MAEA: variants seen among roughly 807,000 people sequenced by gnomAD.
MAEA encodes the protein E3 ubiquitin-protein transferase MAEA.
Under a neutral mutation model 46.2 loss-of-function variants are expected in MAEA, and 22 were observed. The ratio of observed to expected loss-of-function variants is 0.48; its 90% confidence interval spans 0.34 to 0.68. MAEA has a LOEUF of 0.68. Among genes scored for constraint, MAEA ranks in the 30% least tolerant of loss-of-function variants. The pLI is 0.01. For synonymous variants in MAEA, 246 were observed against 222.6 expected (o/e 1.11, Z -0.94); for missense variants, 393 against 558.1 (o/e 0.70, Z 2.98).
intron 1 of MAEA, among the ~76,000 whole-genome samples, chr4:1,297,510 G>C (rs1263752014): frequency 6.8e-6 from 1 of 146,144 alleles, no homozygotes; most frequent in Non-Finnish European, 1.5e-5. Context: ...GCTTGAGTGT[G>C]GGCTCATTGC....
chr4:1,327,527 T>C, intron 4 of MAEA, 100 bp from the exon 5 acceptor site: 1 of 815,066 alleles, frequency 1.2e-6, no homozygotes, highest in Admixed American at 1.7e-5. Flanking sequence ...GTTCAGAGCT[T>C]TGGTTGTGGG....
Position 1,339,410 on chromosome 4 carries a change from C to G in MAEA, c.*241C>G. ...AACCATTTGATGCTTCTGAAAAGTACTTTCAACTTGCGAAGGAAACTCTTC... is the reference window on the plus strand; with the variant it reads ...AACCATTTGATGCTTCTGAAAAGTAGTTTCAACTTGCGAAGGAAACTCTTC... On this transcript the variant is annotated 3_prime_UTR_variant, in exon 9 of 9. Transcript: ENST00000303400. 1 of 536,604 alleles carries G rather than the reference C, an allele frequency of 1.9e-6. No individual in the cohort carries two copies. Among genetic ancestry groups the G allele is most frequent in the South Asian group, 2.5e-5 (1 of 40,254 alleles). The allele number at this position is 536,604 out of a possible 1,614,324, so 33.2% of individuals were successfully genotyped here.
rs777402799 is a variant in MAEA, at chr4:1,327,686, G to A, written c.639G>A (p.Lys213=). The part of the protein sequence containing the change: ...QEFIELIRQN[K]RLDAVRHARK... ...TCATTGAACTCATCCGGCAGAATAA[G>A]AGACTGGACGCTGTGAGGTAGGCAT... The change falls in exon 5 of 9, where the codon AAG becomes AAA. Residue 213 remains lysine, a synonymous_variant. Coordinates refer to ENST00000303400, the MANE Select transcript of MAEA (RefSeq NM_001017405.3). The A allele has an allele frequency of 1.9e-6, 3 of 1,613,884 alleles. No individual in the cohort carries two copies. Among genetic ancestry groups the A allele is most frequent in the Non-Finnish European group, 2.5e-6 (3 of 1,179,990 alleles).
intron 1 of MAEA, among the ~76,000 whole-genome samples, chr4:1,300,897 CAG>C (rs1735256256): frequency 6.6e-6 from 1 of 152,180 alleles, no homozygotes; most frequent in African/African-American, 2.4e-5. Flanking sequence ...GAGCCTCCCT[CAG>C]GGTATGTGCT....
rs895364679 is a variant in MAEA at position 1,337,490 on chromosome 4, C to T, written c.899+496C>T. On this transcript the variant is annotated intron_variant, in intron 7 of 8. Coordinates refer to ENST00000303400, the MANE Select transcript of MAEA (RefSeq NM_001017405.3). ...ACTGAGTTCCTGCCTGTGACTCACT[C>T]GGCTCCCGCCTGCAACGGACTTGGT... is the stretch of plus-strand genomic sequence containing the variant. 12 of 195,530 alleles carry T rather than the reference C, an allele frequency of 6.1e-5. 2 individuals are homozygous for T. Among genetic ancestry groups the T allele is most frequent in the East Asian group, 1.7e-4 (1 of 5,840 alleles). The allele number at this position is 195,530 out of a possible 1,614,324, so 12.1% of individuals were successfully genotyped here.
At chr4:1,329,212 G>A (rs1206325590) in intron 5 of MAEA, 16 of 985,668 alleles carry the variant, frequency 1.6e-5, no homozygotes, top group African/African-American at 5.2e-5. Context: ...CCCCCACTCC[G>A]CATAGGGTCT....
intron 1 of MAEA, among the ~76,000 whole-genome samples, chr4:1,305,760 TGCGCACGCGTGCGTGTAA>T (rs1416638649): frequency 3.6e-3 from 250 of 69,376 alleles, no homozygotes; most frequent in Non-Finnish European, 0.011. Context: ...TGCGTGCACG[TGCGCACGCGTGCGTGTAA>T]GGAGCTGTGT....
intron 1 of MAEA, among the ~76,000 whole-genome samples, chr4:1,305,450 A>G (rs74457623): frequency 0.037 from 5,644 of 152,330 alleles, 232 homozygotes; most frequent in East Asian, 0.2. Flanking sequence ...TCAATGGACA[A>G]TTGGAACTGT....
chr4:1,321,785 C>G (rs1362831073), intron 3 of MAEA, among the ~76,000 whole-genome samples: 1 of 152,112 alleles, frequency 6.6e-6, no homozygotes, highest in Non-Finnish European at 1.5e-5. Context: ...ACCATGGGTT[C>G]CACTGCTAGG....
At chr4:1,293,019 G>T (rs1000176598) in intron 1 of MAEA, among the ~76,000 whole-genome samples, 2 of 150,636 alleles carry the variant, frequency 1.3e-5, no homozygotes, top group African/African-American at 4.9e-5. Context: ...TCAGCCTCCC[G>T]AGTAGCTGAG....
At chr4:1,336,500 T>G (rs1712782998) in intron 6 of MAEA, among the ~76,000 whole-genome samples, 1 of 151,674 alleles carries the variant, frequency 6.6e-6, no homozygotes, top group African/African-American at 2.4e-5. Context: ...GAAATCAGAG[T>G]TAAGTCAGCA....
At chr4:1,292,314 G>C (rs757955420) in intron 1 of MAEA, among the ~76,000 whole-genome samples, 3 of 152,214 alleles carry the variant, frequency 2.0e-5, no homozygotes, top group Non-Finnish European at 2.9e-5. Flanking sequence ...GGTAGCCCTA[G>C]GTGGGTTTCA....
chr4:1,335,201 C>A (rs1281445633), intron 6 of MAEA: 1 of 985,326 alleles, frequency 1.0e-6, no homozygotes, highest in African/African-American at 1.7e-5. Flanking sequence ...TAACATGGAC[C>A]GGTTGTTTTC....
Position 1,290,085 on chromosome 4 carries a change from G to A in MAEA, c.69+103G>A, listed in dbSNP as rs1274189134. The A allele has an allele frequency of 6.1e-6, 5 of 816,950 alleles. No homozygotes were observed. The East Asian group carries it at 2.0e-4, about 32-fold the overall frequency. The allele number at this position is 816,950 out of a possible 1,614,324, so 50.6% of individuals were successfully genotyped here. On this transcript the variant is annotated intron_variant, in intron 1 of 8. Transcript: ENST00000303400. ...CGGGAGGGCCAGCGGCGAGGGCGGC[G>A]GGAGCTGGGCGCGGCCTCGCGGGGC...
chr4:1,308,860 C>G (rs529822986), intron 1 of MAEA, among the ~76,000 whole-genome samples: 1 of 152,258 alleles, frequency 6.6e-6, no homozygotes, highest in East Asian at 1.9e-4. Flanking sequence ...CCATTTTTTA[C>G]TCTGTTGGTT....
chr4:1,323,933 T>C (rs1220409016), intron 4 of MAEA, among the ~76,000 whole-genome samples: 1 of 151,906 alleles, frequency 6.6e-6, no homozygotes, highest in African/African-American at 2.4e-5. Flanking sequence ...GGATGCCTGG[T>C]GGATGAGCGT....
At chr4:1,336,586 C>T (rs1484191747) in intron 6 of MAEA, among the ~76,000 whole-genome samples, 2 of 152,140 alleles carry the variant, frequency 1.3e-5, no homozygotes, top group South Asian at 2.1e-4. Flanking sequence ...AGAGTTAAGT[C>T]AGCACTGACC....
At chr4:1,334,807 C>A in intron 6 of MAEA, 1 of 935,686 alleles carries the variant, frequency 1.1e-6, no homozygotes, top group Non-Finnish European at 1.3e-6. Context: ...GGCAACCAGT[C>A]CTGGGGAGTG....
intron 1 of MAEA, among the ~76,000 whole-genome samples, chr4:1,293,766 A>T (rs1053686661): frequency 6.6e-6 from 1 of 152,208 alleles, no homozygotes; most frequent in African/African-American, 2.4e-5. Flanking sequence ...AGGTGTCTGA[A>T]TTCTCTACAG....
Sources: gnomAD v4.1 joint callset for allele counts (sites outside exome capture counted in the v4.1 genomes callset) on GRCh38, gnomAD v4.1.1 for gene constraint, MANE v1.5 for transcripts, NCBI Gene and HGNC (gene_info 2026-07-23, HGNC 2026-07-21) for gene names.